CSMD2: variants seen among roughly 807,000 people sequenced by gnomAD.
The protein encoded by CSMD2 is CUB and sushi domain-containing protein 2.
A neutral mutation model predicts 398.5 loss-of-function variants in CSMD2; 130 were observed. The ratio of observed to expected loss-of-function variants is 0.33; its 90% confidence interval spans 0.28 to 0.38. CSMD2 has a LOEUF of 0.38. Among genes scored for constraint, CSMD2 ranks in the 10% least tolerant of loss-of-function variants. The pLI, the probability that CSMD2 is intolerant of heterozygous loss-of-function variation, is 1.00. For synonymous variants in CSMD2, 1,828 were observed against 1,908.5 expected (o/e 0.96, Z 1.10); for missense variants, 3,829 against 4,764.9 (o/e 0.80, Z 5.78).
intron 11 of CSMD2, among the ~76,000 whole-genome samples, chr1:33,789,049 A>C (rs1010245487): frequency 4.6e-5 from 7 of 152,190 alleles, no homozygotes; most frequent in African/African-American, 1.7e-4. Flanking sequence ...GAGGGTGTCT[A>C]CATTCTTGCA....
chr1:33,803,063 T>C (rs544000117), intron 10 of CSMD2, among the ~76,000 whole-genome samples: 189 of 152,270 alleles, frequency 1.2e-3, no homozygotes, highest in African/African-American at 4.3e-3. Flanking sequence ...GCCAATGGTC[T>C]CCTTCTAGCA....
At chr1:33,672,944 C>T (rs1379339940) in intron 25 of CSMD2, among the ~76,000 whole-genome samples, 1 of 152,164 alleles carries the variant, frequency 6.6e-6, no homozygotes, top group Non-Finnish European at 1.5e-5. Context: ...AGGACATCCA[C>T]ACCAAAACCC....
At chr1:33,900,561 G>A (rs530691962) in intron 5 of CSMD2, among the ~76,000 whole-genome samples, 2 of 152,342 alleles carry the variant, frequency 1.3e-5, no homozygotes, top group East Asian at 1.9e-4. Flanking sequence ...TGGATCACCT[G>A]AGGTTAGGAG....
chr1:33,842,871 G>T (rs749938534), intron 6 of CSMD2, among the ~76,000 whole-genome samples: 10 of 152,192 alleles, frequency 6.6e-5, no homozygotes, highest in Admixed American at 2.6e-4. Context: ...TGCTTTAGAC[G>T]CATGGAAGTA....
intron 5 of CSMD2, among the ~76,000 whole-genome samples, chr1:33,893,220 G>T (rs1262646229): frequency 1.3e-5 from 2 of 152,146 alleles, no homozygotes; most frequent in East Asian, 3.8e-4. Context: ...TAAGAAAGGA[G>T]GGGGAGTGGC....
In CSMD2 at chr1:33,572,528, G is replaced by C; in HGVS notation, c.7740C>G (p.Arg2580=). ...ECLDTGLWSN[R]NVPPQCVPVT... is the part of the protein sequence containing the mutation. ...CACGGACACACTGTGGTGGGACATT[G>C]CGGTTGCTCCATAGGCCTGTGTCCA... Residue 2580 remains arginine, a synonymous_variant, in exon 50 of 71, where the codon CGC becomes CGG. Transcript: ENST00000373381. 1 of 1,609,624 alleles carries C rather than the reference G, an allele frequency of 6.2e-7. No homozygotes were observed. The highest frequency in any genetic ancestry group is 8.5e-7 in the Non-Finnish European group (1 of 1,177,250).
intron 1 of CSMD2, among the ~76,000 whole-genome samples, chr1:34,115,799 T>A (rs923637352): frequency 3.9e-5 from 6 of 152,070 alleles, no homozygotes; most frequent in Non-Finnish European, 7.4e-5. Context: ...ATTCGTGATA[T>A]TGCTAATACA....
chr1:34,098,948 G>C (rs1034490328), intron 1 of CSMD2, among the ~76,000 whole-genome samples: 2 of 152,122 alleles, frequency 1.3e-5, no homozygotes, highest in Non-Finnish European at 2.9e-5. Context: ...AAAATGTTAG[G>C]AGAAAAGTAA....
At chr1:34,012,011 T>C (rs551209457) in intron 3 of CSMD2, among the ~76,000 whole-genome samples, 1 of 152,282 alleles carries the variant, frequency 6.6e-6, no homozygotes, top group Non-Finnish European at 1.5e-5. Flanking sequence ...ACTATAAACA[T>C]CGCTTTGAGT....
chr1:34,159,339 A>G (rs771127), intron 1 of CSMD2, among the ~76,000 whole-genome samples: 7 of 80,922 alleles, frequency 8.7e-5, no homozygotes, highest in Middle Eastern at 7.2e-3. Context: ...CCCCCCCCCC[A>G]CCCAGGAGCT....
In CSMD2 at chr1:33,617,554, C is replaced by CG; in HGVS notation, c.5890dup (p.Arg1964ProfsTer6). ...AGACACCACATCATTCACCAAGTAG[C>CG]GCTCGCCAGTCTTCACCCCGTTACT... On this transcript the variant is annotated frameshift_variant, in exon 38 of 71. Transcript: ENST00000373381. LOFTEE classifies it high-confidence loss of function. 1 of 1,614,114 alleles carries CG rather than the reference C, an allele frequency of 6.2e-7. No individual in the cohort carries two copies.
intron 7 of CSMD2, 63 bp downstream of exon 7, chr1:33,825,634 A>T (rs2125015027): frequency 1.4e-6 from 2 of 1,396,410 alleles, no homozygotes; most frequent in Admixed American, 1.7e-5. Flanking sequence ...CCCACGGTTT[A>T]GTGCCTGCAC....
chr1:33,941,600 CT>C (rs1363111870), intron 3 of CSMD2, among the ~76,000 whole-genome samples: 1 of 152,172 alleles, frequency 6.6e-6, no homozygotes, highest in Non-Finnish European at 1.5e-5. Flanking sequence ...ATAAAAACTA[CT>C]CTTTTTTGAG....
At chr1:33,650,646 T>C (rs904814638) in intron 28 of CSMD2, among the ~76,000 whole-genome samples, 4 of 152,088 alleles carry the variant, frequency 2.6e-5, no homozygotes, top group African/African-American at 9.7e-5. Context: ...TTATAAGCAA[T>C]AGAGGGCCAT....
rs1303635406 is a variant in CSMD2 at position 33,991,671 on chromosome 1, T to C, written c.517+40923A>G. ...CTGTTCTGCAGAGGAATACTGGATC[T>C]GGTGAAACACCACGGGGAGTCAGAA... On this transcript the variant is annotated intron_variant, in intron 3 of 70. Transcript: ENST00000373381. 3.3e-5 allele frequency among the ~76,000 whole-genome samples: 5 copies of C among 152,318 alleles called. No individual in the cohort carries two copies. In the East Asian group the frequency reaches 7.7e-4, roughly 24 times the overall value.
At chr1:33,754,434 G>C (rs1368436770) in intron 13 of CSMD2, among the ~76,000 whole-genome samples, 2 of 152,162 alleles carry the variant, frequency 1.3e-5, no homozygotes, top group Admixed American at 6.5e-5. Flanking sequence ...GCCCTCATCA[G>C]GAGCTGAACA....
At chr1:34,147,149 T>A (rs1166699010) in intron 1 of CSMD2, among the ~76,000 whole-genome samples, 1 of 151,822 alleles carries the variant, frequency 6.6e-6, no homozygotes, top group Non-Finnish European at 1.5e-5. Context: ...TCCCAGCTAC[T>A]CGGGAGGCTG....
intron 11 of CSMD2, 22 bp downstream of exon 11, chr1:33,792,401 C>A: frequency 6.4e-7 from 1 of 1,572,968 alleles, no homozygotes; most frequent in Non-Finnish European, 8.8e-7. Flanking sequence ...ACCTTCCAAA[C>A]AACATGCCCC....
intron 2 of CSMD2, among the ~76,000 whole-genome samples, chr1:34,059,107 C>G (rs981478929): frequency 1.3e-5 from 2 of 152,154 alleles, no homozygotes; most frequent in Non-Finnish European, 2.9e-5. Context: ...ACAATAATAT[C>G]CCCAAGGTCC....
Sources: gnomAD v4.1 joint callset for allele counts (sites outside exome capture counted in the v4.1 genomes callset) on GRCh38, gnomAD v4.1.1 for gene constraint, MANE v1.5 for transcripts, NCBI Gene and HGNC (gene_info 2026-07-23, HGNC 2026-07-21) for gene names.